Variants in HK3 observed in about 807,000 individuals in gnomAD.
HK3 encodes hexokinase-3.
In HK3, 93 loss-of-function variants were observed where a neutral mutation model predicts 91.0. The ratio of observed to expected loss-of-function variants is 1.02; its 90% CI spans 0.86 to 1.21. The LOEUF is 1.21. Among genes scored for constraint, HK3 ranks in the 50% most tolerant of loss-of-function variants. The pLI, the probability that HK3 is intolerant of heterozygous loss-of-function variation, is 0.00. For synonymous variants in HK3, 519 were observed against 516.9 expected (o/e 1.00, Z -0.06); for missense variants, 1,235 against 1,247.4 (o/e 0.99, Z 0.15).
At chr5:176,889,776 G>A (rs1758716433) in intron 6 of HK3, 32 bp from the exon 7 acceptor site, 2 of 1,592,528 alleles carry the variant, frequency 1.3e-6, no homozygotes, top group African/African-American at 1.3e-5. Context: ...GGTCAAGGCT[G>A]GCCTGAGTGG....
chr5:176,891,079 C>G lies in HK3; in HGVS notation c.372G>C (p.Glu124Asp). Residue 124 changes from glutamate to aspartate, a missense_variant, in exon 4 of 19, where the codon GAG becomes GAC. Around this residue, in one of 3 missense-constraint regions of HK3, gnomAD observed 717 missense variants for 751.6 expected, o/e 0.95. Coordinates refer to ENST00000292432, the MANE Select transcript of HK3 (RefSeq NM_002115.3). ...GCATCACCTCTTGGGGGATCACAAA[C>G]TCCTGGCTTCTGGGCTCCACCCTAT... The part of the protein sequence containing the change: ...EGHRVEPRSQ[E>D]FVIPQEVMLG... The G allele has an allele frequency of 6.2e-7, 1 of 1,614,140 alleles. No homozygotes were observed. Among genetic ancestry groups the G allele is most frequent in the Non-Finnish European group, 8.5e-7 (1 of 1,180,044 alleles).
intron 8 of HK3, 31 bp from the exon 9 acceptor site, chr5:176,888,895 CT>C: frequency 1.2e-6 from 2 of 1,604,234 alleles, no homozygotes; most frequent in Non-Finnish European, 1.7e-6. Flanking sequence ...TGGAGGAAGC[CT>C]TTTCTAAGCC....
chr5:176,891,442 C>T lies in HK3; in HGVS notation c.205G>A (p.Ala69Thr). ...GTAGGCAGCATCCGGACCGCAGGGG[C>T]AGGGCTGGCCTGTCCCCTCAGCGCC... The part of the protein sequence containing the change: ...EQALRGQASP[A>T]PAVRMLPTYV... The change falls in exon 3 of 19, where the codon GCC becomes ACC. Residue 69 changes from alanine to threonine, a missense_variant. Ala to Thr is a moderately conservative substitution (Grantham distance 58). Around this residue, in one of 3 missense-constraint regions of HK3, gnomAD observed 717 missense variants for 751.6 expected, o/e 0.95. Coordinates refer to ENST00000292432, the MANE Select transcript of HK3 (RefSeq NM_002115.3). 1 of 1,614,068 alleles carries T rather than the reference C, an allele frequency of 6.2e-7. No homozygotes were observed. Among genetic ancestry groups the T allele is most frequent in the Non-Finnish European group, 8.5e-7 (1 of 1,179,984 alleles).
Position 176,880,971 on chromosome 5 carries a change from G to A in HK3, c.*102C>T. On this transcript the variant is annotated 3_prime_UTR_variant, in exon 19 of 19. Transcript: ENST00000292432. The stretch of plus-strand genomic sequence containing the variant: ...GCCGCAGAGGGGTCACACATGGGAT[G>A]TCCCAGGAGTCCTGGGTGGCTGGGC... 1 of 1,339,820 alleles carries A rather than the reference G, an allele frequency of 7.5e-7. No homozygotes were observed. The highest frequency in any genetic ancestry group is 2.5e-5 in the East Asian group (1 of 39,888). 83.0% of individuals were successfully genotyped at this position (1,339,820 alleles called of 1,614,324 possible).
In HK3 at chr5:176,888,500, G is replaced by T; in HGVS notation, c.1136C>A (p.Ser379Ter). 1 of 1,554,202 alleles carries T rather than the reference G, an allele frequency of 6.4e-7. No individual in the cohort carries two copies. The highest frequency in any genetic ancestry group is 8.7e-7 in the Non-Finnish European group (1 of 1,148,214). The change falls in exon 10 of 19, where the codon TCG becomes TAG. Residue 379 changes from serine (S) to a stop codon, truncating the protein, a stop_gained. Transcript: ENST00000292432. LOFTEE classifies it high-confidence loss of function. ...LQDLGLSPGA[S>*]DVELVQHVCA... ...GACGTGCTGCACAAGCTCAACATCC[G>T]AAGCCCCAGGGCTCAGGCCCAAGTC...
rs1272158651 is a variant in HK3 at position 176,882,041 on chromosome 5, C to G, written c.2140G>C (p.Glu714Gln). 3 of 1,613,068 alleles carry G rather than the reference C, an allele frequency of 1.9e-6. No individual in the cohort carries two copies. Among genetic ancestry groups the G allele is most frequent in the African/African-American group, 2.7e-5 (2 of 74,938 alleles). ...GDSGRMCINMEWGAFGDDGSL... is the reference protein window; with the variant it reads ...GDSGRMCINMQWGAFGDDGSL... ...CCATCGTCCCCAAAGGCGCCCCACT[C>G]CATGTTGATGCACATGCGGCCTGAG... The change falls in exon 16 of 19, where the codon GAG becomes CAG. Residue 714 changes from glutamate (E) to glutamine (Q), a missense_variant. By Grantham distance (29) the Glu-to-Gln change is conservative. Coordinates refer to ENST00000292432, the MANE Select transcript of HK3 (RefSeq NM_002115.3).
rs1758639209 is a variant in HK3 at position 176,887,729 on chromosome 5, TGC to T, written c.1320_1321del (p.Gln441GlyfsTer54). 6.2e-7 allele frequency: 1 copy of T among 1,609,016 alleles called. No individual in the cohort carries two copies. Among genetic ancestry groups the T allele is most frequent in the Non-Finnish European group, 8.5e-7 (1 of 1,176,320 alleles). On this transcript the variant is annotated frameshift_variant, in exon 11 of 19. Transcript: ENST00000292432. LOFTEE classifies it high-confidence loss of function. The surrounding 1 kb of genome is among the most constrained non-coding windows in gnomAD (Gnocchi z 4.9). ...CGGGGCCAGGAGCATCACTGTCCCC[TGC>T]AGGACGCTGCAGAACCTACAGATAC...
rs1758965139 is a variant in HK3, at chr5:176,898,643, T to C, written c.-27+624A>G. Among the ~76,000 whole-genome samples the C allele has an allele frequency of 2.6e-5, 4 of 152,360 alleles. No homozygotes were observed. The South Asian group carries it at 8.3e-4, about 32-fold the overall frequency. ...CTAATATTTATATGCTAGGTAAATG[T>C]ATTCAGCTCTGTCTCTTCCCACTGA... is the stretch of plus-strand genomic sequence containing the variant. On this transcript the variant is annotated intron_variant, in intron 1 of 18. Transcript: ENST00000292432.
Position 176,884,238 on chromosome 5 carries a change from C to T in HK3, c.1858-104G>A. The T allele has an allele frequency of 1.1e-6, 1 of 932,178 alleles. No homozygotes were observed. The highest frequency in any genetic ancestry group is 2.4e-5 in the East Asian group (1 of 41,308). The allele number at this position is 932,178 out of a possible 1,614,324, so 57.7% of individuals were successfully genotyped here. On this transcript the variant is annotated intron_variant, in intron 13 of 18. Transcript: ENST00000292432. The surrounding 1 kb of genome is among the most constrained non-coding windows in gnomAD (Gnocchi z 4.1). Reference sequence around the variant, plus strand: ...ATCACAAGCCTAGGCTTTCCACCCTCCCCAAGCACAATTCCTTGCCTACTT... The same window carrying T: ...ATCACAAGCCTAGGCTTTCCACCCTTCCCAAGCACAATTCCTTGCCTACTT...
chr5:176,886,599 C>A, intron 13 of HK3, among the ~76,000 whole-genome samples: 2 of 151,928 alleles, frequency 1.3e-5, no homozygotes, highest in East Asian at 3.9e-4. Context: ...TAGTCATGCA[C>A]CCAACACTGA....
intron 2 of HK3, 53 bp from the exon 3 acceptor site, chr5:176,891,603 C>A: frequency 1.3e-6 from 2 of 1,554,492 alleles, no homozygotes; most frequent in African/African-American, 2.7e-5. Context: ...GCTGGCCAGA[C>A]TCCCCACCTC....
intron 13 of HK3, 40 bp downstream of exon 13, chr5:176,886,962 A>C (rs1172698211): frequency 6.2e-7 from 1 of 1,611,352 alleles, no homozygotes; most frequent in East Asian, 2.2e-5. Flanking sequence ...ATGTGGGGGC[A>C]GGAGGCCCTT....
In HK3 at chr5:176,881,827, C is replaced by T; in HGVS notation, c.2258G>A (p.Gly753Asp). ...GCGGACGATCTCCCCCAGGTACATG[C>T]CGCTGATCATCTTTTCAAACCTGCA... ...GKQRFEKMISGMYLGEIVRHI... is the reference protein window; with the variant it reads ...GKQRFEKMISDMYLGEIVRHI... The change falls in exon 17 of 19, where the codon GGC becomes GAC. Residue 753 changes from glycine to aspartate, a missense_variant. Around this residue, in one of 3 missense-constraint regions of HK3, gnomAD observed 513 missense variants for 477.4 expected, o/e 1.07. Transcript: ENST00000292432. 5 of 1,613,998 alleles carry T rather than the reference C, an allele frequency of 3.1e-6. No homozygotes were observed. The highest frequency in any genetic ancestry group is 4.2e-6 in the Non-Finnish European group (5 of 1,180,018).
intron 13 of HK3, among the ~76,000 whole-genome samples, chr5:176,886,687 A>G (rs1758592362): frequency 6.6e-6 from 1 of 152,208 alleles, no homozygotes; most frequent in African/African-American, 2.4e-5. Flanking sequence ...AGCCCCTGCT[A>G]GAGACAGGAA....
intron 2 of HK3, among the ~76,000 whole-genome samples, chr5:176,894,802 A>C (rs978109957): frequency 1.4e-4 from 20 of 141,280 alleles, no homozygotes; most frequent in Non-Finnish European, 2.6e-4. Context: ...TTTTTGACAG[A>C]GTCTCGCTCT....
At chr5:176,882,648 G>A (rs1015614339) in intron 15 of HK3, among the ~76,000 whole-genome samples, 2 of 152,244 alleles carry the variant, frequency 1.3e-5, no homozygotes, top group African/African-American at 2.4e-5. Flanking sequence ...GGAGAGCATC[G>A]TGGGAGCCCA....
At chr5:176,883,741 G>A in intron 15 of HK3, 29 bp downstream of exon 15, 1 of 1,559,278 alleles carries the variant, frequency 6.4e-7, no homozygotes, top group East Asian at 2.2e-5. Flanking sequence ...CCAAGCAGTA[G>A]GGGCATGAAA....
In HK3 at chr5:176,883,918, G is replaced by A. The variant is rs2149373621; in HGVS notation, c.1954-49C>T. On this transcript the variant is annotated intron_variant, in intron 14 of 18. Coordinates refer to ENST00000292432, the MANE Select transcript of HK3 (RefSeq NM_002115.3). ...GTTGCTGGGCAACGCGGTCGTCACA[G>A]CAACCAGCACTGGACCCAGAGGTCT... 5 of 1,598,216 alleles carry A rather than the reference G, an allele frequency of 3.1e-6. No homozygotes were observed. The East Asian group carries it at 1.1e-4, about 36-fold the overall frequency.
At position 176,887,909 on chromosome 5, in the gene HK3, T is replaced by A. The variant is rs1317213347; in HGVS notation, c.1305-163A>T. Among the ~76,000 whole-genome samples the A allele has an allele frequency of 6.6e-6, 1 of 151,788 alleles. No homozygotes were observed. The highest frequency in any genetic ancestry group is 1.5e-5 in the Non-Finnish European group (1 of 67,882). The stretch of plus-strand genomic sequence containing the variant: ...CAAGGCCCCATCACTTTTTTTTTTT[T>A]ATTTTTGTAGATATCGAGTCTTGCT... On this transcript the variant is annotated intron_variant, in intron 10 of 18. Coordinates refer to ENST00000292432, the MANE Select transcript of HK3 (RefSeq NM_002115.3). This position sits in a 1 kb window ranked among gnomAD's most constrained non-coding sequence, Gnocchi z 4.9.
Sources: gnomAD v4.1 joint callset for allele counts (sites outside exome capture counted in the v4.1 genomes callset) on GRCh38, gnomAD v4.1.1 for gene constraint, gnomAD v4.1.1 regional missense constraint, Gnocchi (gnomAD v3.1) non-coding constraint, MANE v1.5 for transcripts, NCBI Gene and HGNC (gene_info 2026-07-23, HGNC 2026-07-21) for gene names.